Variants in DCST2 observed in about 807,000 individuals in gnomAD.
The protein encoded by DCST2 is DC-STAMP domain containing 2.
In DCST2, 64 loss-of-function variants were observed where a neutral mutation model predicts 81.8. The ratio of observed to expected loss-of-function variants is 0.78; its 90% CI spans 0.64 to 0.96. The LOEUF (loss-of-function observed/expected upper bound fraction) is 0.96, where lower values mean the gene tolerates loss of function less well. Ranked by LOEUF, DCST2 falls within the 40% of genes least tolerant of loss-of-function variation. The probability of loss-of-function intolerance (pLI) is 0.00; values close to 1 mark genes in which losing one functional copy is unlikely to be tolerated. For missense variants in DCST2, 945 were observed against 1,001.4 expected (o/e 0.94, Z 0.76); for synonymous variants, 354 against 402.6 (o/e 0.88, Z 1.44).
intron 8 of DCST2, 82 bp from the exon 9 acceptor site, chr1:155,026,797 G>A (rs1216772413): frequency 1.3e-6 from 2 of 1,542,212 alleles, no homozygotes; most frequent in Admixed American, 1.7e-5. Flanking sequence ...GAGGAAAGTG[G>A]AGCAGCGCAG....
In DCST2 at chr1:155,031,737, C is replaced by T. The variant is rs747746872; in HGVS notation, c.576G>A (p.Leu192=). 1.9e-6 allele frequency: 3 copies of T among 1,613,652 alleles called. No individual in the cohort carries two copies. The highest frequency in any genetic ancestry group is 1.7e-4 in the Middle Eastern group (1 of 6,054). Residue 192 remains leucine (L), a synonymous_variant, in exon 4 of 15, where the codon CTG becomes CTA. Coordinates refer to ENST00000368424, the MANE Select transcript of DCST2 (RefSeq NM_144622.3). The part of the protein sequence containing the change: ...RALRNVWQWL[L]HIGDVCNSEL... ...CCGAGTTGCACACATCGCCGATGTGCAGGAGCCACTGCCACACATTCCGGA... is the reference window on the plus strand; with the variant it reads ...CCGAGTTGCACACATCGCCGATGTGTAGGAGCCACTGCCACACATTCCGGA...
chr1:155,030,711 G>C, intron 5 of DCST2, 66 bp from the exon 6 acceptor site: 5 of 1,561,562 alleles, frequency 3.2e-6, no homozygotes, highest in Non-Finnish European at 3.5e-6. Context: ...GCTGCCCCTG[G>C]GGAGGGGCCT....
At chr1:155,018,961 T>A (rs1461617889) in intron 14 of DCST2, among the ~76,000 whole-genome samples, 1 of 152,190 alleles carries the variant, frequency 6.6e-6, no homozygotes, top group Non-Finnish European at 1.5e-5. Flanking sequence ...GGGTGGGCAG[T>A]GACTTGCCTG....
chr1:155,022,165 C>T (rs1305496371), intron 14 of DCST2, among the ~76,000 whole-genome samples: 12 of 152,202 alleles, frequency 7.9e-5, no homozygotes, highest in East Asian at 1.9e-4. Context: ...CCGTGCCCGG[C>T]CCGCTTATGG....
At position 155,031,592 on chromosome 1, in the gene DCST2, G is replaced by C; in HGVS notation, c.721C>G (p.Leu241Val). The C allele has an allele frequency of 6.7e-7, 1 of 1,495,310 alleles. No individual in the cohort carries two copies. The highest frequency in any genetic ancestry group is 1.8e-4 in the Middle Eastern group (1 of 5,440). 92.6% of individuals were successfully genotyped at this position (1,495,310 alleles called of 1,614,324 possible). The change falls in exon 4 of 15, where the codon CTC becomes GTC. Residue 241 changes from leucine to valine, a missense_variant. Coordinates refer to ENST00000368424, the MANE Select transcript of DCST2 (RefSeq NM_144622.3). ...CYVLMPFKLALCGLASLVQVF... is the reference protein window; with the variant it reads ...CYVLMPFKLAVCGLASLVQVF... ...TTCTCACGGCTGGCAAGTCCACAGA[G>C]CGCCAGTTTGAAGGGCATGAGCACG... is the stretch of plus-strand genomic sequence containing the variant.
chr1:155,023,855 G>T lies in DCST2; in HGVS notation c.1847C>A (p.Ser616Tyr), dbSNP rs775406904. ...ACCTTGGCAGCCGGGGGTACTGCAG[G>T]ACACAGTGTTCTCCATGTCTCCCTC... ...QDEGDMENTV[S>Y]CSTPGCQGLY... is the part of the protein sequence containing the mutation. Residue 616 changes from serine to tyrosine, a missense_variant, in exon 12 of 15, where the codon TCC becomes TAC. Transcript: ENST00000368424. The T allele has an allele frequency of 5.0e-6, 8 of 1,613,654 alleles. No individual in the cohort carries two copies. The Admixed American group carries it at 6.7e-5, about 13-fold the overall frequency.
Position 155,027,359 on chromosome 1 carries a change from G to T in DCST2, c.1343-644C>A, listed in dbSNP as rs1659943999. On this transcript the variant is annotated intron_variant, in intron 8 of 14. Coordinates refer to ENST00000368424, the MANE Select transcript of DCST2 (RefSeq NM_144622.3). The stretch of plus-strand genomic sequence containing the variant: ...GTAAGACCCCCAGAAACATTTATTG[G>T]CTGAGCACTGACTGTGTAGCAGACA... Among the ~76,000 whole-genome samples, 4 of 130,636 alleles carry T rather than the reference G, an allele frequency of 3.1e-5. 1 individual carries two copies. Among genetic ancestry groups the T allele is most frequent in the African/African-American group, 1.1e-4 (4 of 34,914 alleles). The allele number at this position is 130,636 out of a possible 152,430, so 85.7% of individuals were successfully genotyped here. A position where few individuals can be genotyped will look rare whatever the true frequency, so the allele number is the denominator to read the frequency against.
At chr1:155,024,871 G>A (rs1337744885) in intron 10 of DCST2, among the ~76,000 whole-genome samples, 8 of 151,504 alleles carry the variant, frequency 5.3e-5, no homozygotes, top group Non-Finnish European at 1.0e-4. Flanking sequence ...TTGTCTGGCC[G>A]GGCGTTGTGG....
At position 155,024,530 on chromosome 1, in the gene DCST2, CT is replaced by C. The variant is rs779845792; in HGVS notation, c.1683del (p.Val562Ter). 1 of 1,610,156 alleles carries C rather than the reference CT, an allele frequency of 6.2e-7. No individual in the cohort carries two copies. Among genetic ancestry groups the C allele is most frequent in the East Asian group, 2.2e-5 (1 of 44,646 alleles). Reference sequence around the variant, plus strand: ...CCCTGGTCAGCCGCCCGCCGCCTCACTGATCGGTGCAGGGCAGCCAACAGAT... The same window carrying C: ...CCCTGGTCAGCCGCCCGCCGCCTCACGATCGGTGCAGGGCAGCCAACAGAT... ...RTNLLAALHRSVRRRAADQGH... is the reference protein window; with the variant it reads ...RTNLLAALHRXVRRRAADQGH... On this transcript the variant is annotated frameshift_variant, in exon 11 of 15. Coordinates refer to ENST00000368424, the MANE Select transcript of DCST2 (RefSeq NM_144622.3). LOFTEE classifies it high-confidence loss of function.
intron 2 of DCST2, 127 bp downstream of exon 2, chr1:155,032,967 T>A (rs1248823636): frequency 8.7e-7 from 1 of 1,143,224 alleles, no homozygotes; most frequent in Non-Finnish European, 1.2e-6. Context: ...GTGCCCAGAG[T>A]CCCTTCCAGG....
rs745904765 is a variant in DCST2 at position 155,018,594 on chromosome 1, G to A, written c.2272C>T (p.Pro758Ser). The A allele has an allele frequency of 3.7e-6, 6 of 1,613,780 alleles. No individual in the cohort carries two copies. The South Asian group carries it at 4.4e-5, about 12-fold the overall frequency. ...TCAGGAAGAGAGGGAGGTGAGAGAG[G>A]GACTGAGGGTTCTGAAGCTGGAGTG... is the stretch of plus-strand genomic sequence containing the variant. ...APTPASEPSV[P>S]LSPPSLPDPS... is the part of the protein sequence containing the mutation. Residue 758 changes from proline to serine, a missense_variant, in exon 15 of 15, where the codon CCT (proline) becomes TCT (serine). Pro to Ser is a moderately conservative substitution (Grantham distance 74). Transcript: ENST00000368424.
intron 10 of DCST2, 63 bp downstream of exon 10, chr1:155,026,239 C>T: frequency 6.4e-7 from 1 of 1,553,826 alleles, no homozygotes. Context: ...CCAAAAAAGC[C>T]AGCCACTAGC....
At chr1:155,026,995 C>T (rs190273957) in intron 8 of DCST2, among the ~76,000 whole-genome samples, 14 of 152,096 alleles carry the variant, frequency 9.2e-5, no homozygotes, top group Non-Finnish European at 1.9e-4. Flanking sequence ...GTGAGTCCAC[C>T]CCCCGGCCTC....
At position 155,031,195 on chromosome 1, in the gene DCST2, G is replaced by C; in HGVS notation, c.779C>G (p.Pro260Arg). The C allele has an allele frequency of 6.3e-7, 1 of 1,592,874 alleles. No individual in the cohort carries two copies. The highest frequency in any genetic ancestry group is 2.2e-5 in the East Asian group (1 of 44,616). Residue 260 changes from proline to arginine, a missense_variant, in exon 5 of 15, where the codon CCC becomes CGC. Physicochemically the swap from Pro to Arg is moderately radical, Grantham distance 103. Transcript: ENST00000368424. Reference protein sequence around the residue: ...VFCVIPKYIQPFLRQTIGTPV... With the variant: ...VFCVIPKYIQRFLRQTIGTPV... ...GGTGCCGATGGTCTGGCGCAAGAAG[G>C]GTTGAATGTACTTAGGGATGACGCA...
chr1:155,024,612 G>A lies in DCST2; in HGVS notation c.1612-10C>T. On this transcript the variant is annotated splice_polypyrimidine_tract_variant and intron_variant, in intron 10 of 14. Coordinates refer to ENST00000368424, the MANE Select transcript of DCST2 (RefSeq NM_144622.3). ...GGTAGGAGATCCTCTCCTGGTGCGG[G>A]GAGATCAGGGATGGGGTCCCACTTG... 6.3e-7 allele frequency: 1 copy of A among 1,588,744 alleles called. No individual in the cohort carries two copies. The highest frequency in any genetic ancestry group is 2.3e-5 in the East Asian group (1 of 43,480).
intron 11 of DCST2, 61 bp downstream of exon 11, chr1:155,024,411 A>G (rs1224127645): frequency 6.7e-7 from 1 of 1,492,636 alleles, no homozygotes; most frequent in African/African-American, 1.4e-5. Flanking sequence ...ATCCATTCCA[A>G]CTCCTGGCTC....
intron 8 of DCST2, among the ~76,000 whole-genome samples, chr1:155,027,926 T>TTTATTA (rs1025615169): frequency 6.7e-6 from 1 of 150,234 alleles, no homozygotes; most frequent in Non-Finnish European, 1.5e-5. Flanking sequence ...TTTATTTTAT[T>TTTATTA]TTATTATTAT....
In DCST2 at chr1:155,025,676, CTCA is replaced by C. The variant is rs532256771; in HGVS notation, c.1611+623_1611+625del. ...CTCAACATGCCAACACTGCCCCCAC[CTCA>C]CCACCATGTTTTTTTGTTTTGTTTT... On this transcript the variant is annotated intron_variant, in intron 10 of 14. Transcript: ENST00000368424. Among the ~76,000 whole-genome samples, 262 of 151,508 alleles carry C rather than the reference CTCA, an allele frequency of 1.7e-3. 1 individual carries two copies. The highest frequency in any genetic ancestry group is 5.8e-3 in the African/African-American group (239 of 41,284).
At chr1:155,033,061 C>A (rs1006699118) in intron 2 of DCST2, 33 bp downstream of exon 2, 3 of 1,509,984 alleles carry the variant, frequency 2.0e-6, no homozygotes, top group African/African-American at 2.8e-5. Context: ...GAGGGGGGCC[C>A]GTGGGAGACA....
Sources: gnomAD v4.1 joint callset for allele counts (sites outside exome capture counted in the v4.1 genomes callset) on GRCh38, gnomAD v4.1.1 for gene constraint, MANE v1.5 for transcripts, NCBI Gene and HGNC (gene_info 2026-07-23, HGNC 2026-07-21) for gene names.